DOK6: variants seen among roughly 807,000 people sequenced by gnomAD.
DOK6 encodes the protein docking protein 6.
In DOK6, 22 loss-of-function variants were observed where a neutral mutation model predicts 44.0. The observed-to-expected ratio is 0.50, with a 90% CI of 0.36 to 0.71. The LOEUF is 0.71. Ranked by LOEUF, DOK6 falls within the 30% of genes least tolerant of loss-of-function variation. The probability of loss-of-function intolerance (pLI) is 0.00; values close to 1 mark genes in which losing one functional copy is unlikely to be tolerated. For synonymous variants in DOK6, 166 were observed against 145.5 expected, an observed-to-expected ratio of 1.14 and a Z score of -1.01; for missense variants, 340 against 416.4, an observed-to-expected ratio of 0.82 and a Z score of 1.60.
At chr18:69,562,185 T>C (rs929474947) in intron 1 of DOK6, among the ~76,000 whole-genome samples, 1 of 152,188 alleles carries the variant, frequency 6.6e-6, no homozygotes, top group African/African-American at 2.4e-5. Context: ...GGAAAGTAGA[T>C]AATGAACAAT....
chr18:69,828,543 A>G (rs992329215), intron 7 of DOK6, among the ~76,000 whole-genome samples: 2 of 151,880 alleles, frequency 1.3e-5, no homozygotes, highest in Non-Finnish European at 3.0e-5. Context: ...AATAAGAGAC[A>G]TAAGACTATT....
chr18:69,601,840 T>C (rs1264133576), intron 3 of DOK6, among the ~76,000 whole-genome samples: 2 of 152,102 alleles, frequency 1.3e-5, no homozygotes, highest in Non-Finnish European at 1.5e-5. Context: ...GAGCATCTTG[T>C]AGTGCCAGAA....
At chr18:69,545,113 C>A (rs1555711859) in intron 1 of DOK6, among the ~76,000 whole-genome samples, 1 of 42,532 alleles carries the variant, frequency 2.4e-5, no homozygotes. Flanking sequence ...GAGCGAGACA[C>A]CATAAAAAAA....
At chr18:69,817,056 T>C (rs1236289402) in intron 7 of DOK6, among the ~76,000 whole-genome samples, 1 of 152,212 alleles carries the variant, frequency 6.6e-6, no homozygotes, top group African/African-American at 2.4e-5. Context: ...CCAAAGGATG[T>C]GCATATTAAA....
At chr18:69,834,136 T>G (rs764883763) in intron 7 of DOK6, among the ~76,000 whole-genome samples, 6 of 152,166 alleles carry the variant, frequency 3.9e-5, no homozygotes, top group Non-Finnish European at 7.4e-5. Context: ...CCTATGTCCA[T>G]AAACAGATGA....
intron 1 of DOK6, among the ~76,000 whole-genome samples, chr18:69,536,042 C>A (rs17773790): frequency 0.27 from 41,493 of 151,950 alleles, 6,571 homozygotes; most frequent in East Asian, 0.53. Flanking sequence ...ACATAATTAG[C>A]ACACTGTCTA....
chr18:69,526,809 G>C (rs1289867046), intron 1 of DOK6, among the ~76,000 whole-genome samples: 3 of 152,172 alleles, frequency 2.0e-5, no homozygotes, highest in African/African-American at 7.2e-5. Context: ...TAAGTGCTGA[G>C]AGACCAAGGA....
At chr18:69,478,355 G>A (rs1312864537) in intron 1 of DOK6, among the ~76,000 whole-genome samples, 1 of 152,092 alleles carries the variant, frequency 6.6e-6, no homozygotes, top group Non-Finnish European at 1.5e-5. Flanking sequence ...TTTGGGGCTT[G>A]AATTTCTAAT....
At chr18:69,549,819 T>C (rs1316404564) in intron 1 of DOK6, among the ~76,000 whole-genome samples, 1 of 151,208 alleles carries the variant, frequency 6.6e-6, no homozygotes, top group Non-Finnish European at 1.5e-5. Context: ...ACATTTTTTA[T>C]TTGAAAGAAT....
chr18:69,816,144 G>C (rs1981391894), intron 7 of DOK6, among the ~76,000 whole-genome samples: 1 of 152,030 alleles, frequency 6.6e-6, no homozygotes, highest in Non-Finnish European at 1.5e-5. Flanking sequence ...ACATAAAATA[G>C]GCTCATGACT....
intron 7 of DOK6, among the ~76,000 whole-genome samples, chr18:69,763,537 G>A (rs1213022858): frequency 1.3e-5 from 2 of 152,118 alleles, no homozygotes; most frequent in African/African-American, 4.8e-5. Context: ...GTTGGGAAAT[G>A]TAGTAGTAAT....
chr18:69,749,961 G>C (rs1217953753), intron 6 of DOK6, among the ~76,000 whole-genome samples: 1 of 149,170 alleles, frequency 6.7e-6, no homozygotes, highest in African/African-American at 2.5e-5. Context: ...AAAAAGTTCT[G>C]GGTCAAATAC....
chr18:69,721,977 A>T (rs939479569), intron 5 of DOK6, among the ~76,000 whole-genome samples: 2 of 152,192 alleles, frequency 1.3e-5, no homozygotes, highest in African/African-American at 4.8e-5. Context: ...GAAAATTTAG[A>T]CTGCAAAGTG....
intron 3 of DOK6, among the ~76,000 whole-genome samples, chr18:69,608,334 T>C (rs1164428350): frequency 6.6e-6 from 1 of 152,246 alleles, no homozygotes; most frequent in African/African-American, 2.4e-5. Context: ...TGTGGATTCA[T>C]GTCTGGGCTA....
chr18:69,721,062 G>C (rs1568344398), intron 5 of DOK6, among the ~76,000 whole-genome samples: 1 of 152,218 alleles, frequency 6.6e-6, no homozygotes, highest in Middle Eastern at 3.4e-3. Context: ...AAAATTCCAA[G>C]TCTTGCCTTC....
At chr18:69,611,103 A>AAC (rs1984128534) in intron 3 of DOK6, among the ~76,000 whole-genome samples, 6 of 152,072 alleles carry the variant, frequency 3.9e-5, no homozygotes, top group Admixed American at 3.3e-4. Context: ...ACAAAAAAGA[A>AAC]AGAAGATAAA....
chr18:69,443,730 A>G (rs1305238915), intron 1 of DOK6, among the ~76,000 whole-genome samples: 1 of 152,150 alleles, frequency 6.6e-6, no homozygotes, highest in African/African-American at 2.4e-5. Context: ...AAGGAATTAC[A>G]TGCCCTTGAC....
intron 1 of DOK6, among the ~76,000 whole-genome samples, chr18:69,426,379 T>A (rs984004658): frequency 1.3e-5 from 2 of 152,206 alleles, no homozygotes; most frequent in Non-Finnish European, 2.9e-5. Context: ...GAATAAAAAA[T>A]TCATTGACTT....
intron 1 of DOK6, among the ~76,000 whole-genome samples, chr18:69,525,517 T>G (rs1288736273): frequency 6.6e-6 from 1 of 152,022 alleles, no homozygotes; most frequent in Non-Finnish European, 1.5e-5. Flanking sequence ...GTAATTATTC[T>G]CTTGTCCTCT....
Sources: allele counts gnomAD v4.1 joint callset (sites outside exome capture counted in the v4.1 genomes callset), GRCh38; gene constraint gnomAD v4.1.1; transcripts MANE v1.5; gene names NCBI Gene and HGNC (gene_info 2026-07-23, HGNC 2026-07-21).